The following TENM2 variants were observed in gnomAD, a reference collection of about 807,000 sequenced individuals.
TENM2 encodes teneurin transmembrane protein 2.
Under a neutral mutation model 245.2 loss-of-function variants are expected in TENM2, and 52 were observed. That is an observed-to-expected ratio of 0.21 (90% CI 0.17 to 0.27). The LOEUF is 0.27. Ranked by LOEUF, TENM2 falls within the 10% of genes least tolerant of loss-of-function variation. TENM2 has a pLI of 1.00. For missense variants in TENM2, 3,046 were observed against 3,666.8 expected (o/e 0.83, Z 4.37); for synonymous variants, 1,363 against 1,438.9 (o/e 0.95, Z 1.19).
chr5:167,218,980 T>G, the TENM2 span, among the ~76,000 whole-genome samples: 1 of 152,234 alleles, frequency 6.6e-6, no homozygotes, highest in Admixed American at 6.5e-5. Context: ...GCCAATCCTC[T>G]GGCTTTTTTG....
At chr5:167,121,058 G>A in the TENM2 span, among the ~76,000 whole-genome samples, 1 of 151,842 alleles carries the variant, frequency 6.6e-6, no homozygotes, top group Non-Finnish European at 1.5e-5. Flanking sequence ...ACTCTCGGTG[G>A]CAAGATACTT....
chr5:167,194,106 T>TCACA, the TENM2 span, among the ~76,000 whole-genome samples: 536 of 151,946 alleles, frequency 3.5e-3, 6 homozygotes, highest in African/African-American at 0.012. Context: ...ATGAGAAGGT[T>TCACA]ATACAAGGTG....
intron 1 of TENM2, among the ~76,000 whole-genome samples, chr5:167,332,400 G>C (rs1394302610): frequency 6.6e-6 from 1 of 152,006 alleles, no homozygotes; most frequent in Non-Finnish European, 1.5e-5. Flanking sequence ...ACGTGCCTCT[G>C]AACTACAGTT....
intron 1 of TENM2, among the ~76,000 whole-genome samples, chr5:167,323,957 C>A (rs1561863029): frequency 6.6e-6 from 1 of 152,168 alleles, no homozygotes; most frequent in Admixed American, 6.5e-5. Context: ...CCAGACTATT[C>A]TGATGTAAGA....
At chr5:168,217,026 T>A in intron 22 of TENM2, 104 bp downstream of exon 24, 1 of 1,255,370 alleles carries the variant, frequency 8.0e-7, no homozygotes, top group South Asian at 1.3e-5. Context: ...GAGGGAGAGA[T>A]ACAGATACAG....
chr5:168,199,551 C>G (rs903420750), intron 16 of TENM2, among the ~76,000 whole-genome samples: 1 of 152,328 alleles, frequency 6.6e-6, no homozygotes, highest in Non-Finnish European at 1.5e-5. Flanking sequence ...GGCCTCCTTG[C>G]ATGCAGCTAG....
chr5:167,426,215 T>A (rs1763812869), intron 2 of TENM2, among the ~76,000 whole-genome samples: 1 of 152,322 alleles, frequency 6.6e-6, no homozygotes. Context: ...ATGTTTTTCT[T>A]GAATTCTGAT....
chr5:167,743,134 A>T (rs954612210), intron 2 of TENM2, among the ~76,000 whole-genome samples: 4 of 152,190 alleles, frequency 2.6e-5, no homozygotes, highest in African/African-American at 9.7e-5. Context: ...TTAGTATAAG[A>T]CCTGGGACTA....
chr5:168,065,800 C>A (rs1275231812), intron 7 of TENM2, among the ~76,000 whole-genome samples: 2 of 148,916 alleles, frequency 1.3e-5, no homozygotes, highest in Non-Finnish European at 1.5e-5. Flanking sequence ...AAAATGTATC[C>A]ATTTCAGTGA....
chr5:167,804,795 T>G (rs942118416), intron 2 of TENM2, among the ~76,000 whole-genome samples: 3 of 152,052 alleles, frequency 2.0e-5, no homozygotes, highest in African/African-American at 7.2e-5. Context: ...TCTGCTCCTA[T>G]TACTAGGAAG....
chr5:167,586,954 T>C lies in TENM2; in HGVS notation c.502+211481T>C, dbSNP rs1045769844. Among the ~76,000 whole-genome samples the C allele has an allele frequency of 2.0e-5, 3 of 152,228 alleles. No homozygotes were observed. The South Asian group carries it at 6.2e-4, about 32-fold the overall frequency. On this transcript the variant is annotated intron_variant, in intron 2 of 28. Transcript: ENST00000518659. The stretch of plus-strand genomic sequence containing the variant: ...GTTTGTTAATGTTAATTAGTAATTG[T>C]TGGGCTCTGAGGGGGTGCAGCATCT...
chr5:167,594,833 T>C (rs1303810734), intron 2 of TENM2, among the ~76,000 whole-genome samples: 3 of 152,230 alleles, frequency 2.0e-5, no homozygotes, highest in Non-Finnish European at 1.5e-5. Context: ...CGTTCACTTA[T>C]GCCACACTAT....
the TENM2 span, among the ~76,000 whole-genome samples, chr5:167,126,325 A>G: frequency 1.3e-5 from 2 of 152,200 alleles, no homozygotes; most frequent in Admixed American, 1.3e-4. Flanking sequence ...AGCTGGCACC[A>G]CACCAGTCCC....
intron 2 of TENM2, among the ~76,000 whole-genome samples, chr5:167,403,165 A>AT (rs35263578): frequency 2.6e-5 from 4 of 151,602 alleles, no homozygotes; most frequent in Non-Finnish European, 4.4e-5. Context: ...GATAGTTATT[A>AT]TTTTTTTTAA....
intron 12 of TENM2, among the ~76,000 whole-genome samples, chr5:168,131,085 A>G (rs1754539220): frequency 1.3e-5 from 2 of 152,214 alleles, no homozygotes; most frequent in Admixed American, 1.3e-4. Context: ...GGCAAAATGC[A>G]AGAAGAAGCC....
chr5:168,135,855 A>G (rs1201243853), intron 12 of TENM2, among the ~76,000 whole-genome samples: 1 of 152,192 alleles, frequency 6.6e-6, no homozygotes, highest in South Asian at 2.1e-4. Context: ...ACATCTGAAT[A>G]GCTACCAGCC....
At chr5:167,053,396 T>C in the TENM2 span, among the ~76,000 whole-genome samples, 1 of 152,326 alleles carries the variant, frequency 6.6e-6, no homozygotes, top group African/African-American at 2.4e-5. Context: ...AGGCCCTAAA[T>C]GTTTGTGGAA....
chr5:167,076,466 G>A, the TENM2 span, among the ~76,000 whole-genome samples: 1 of 152,076 alleles, frequency 6.6e-6, no homozygotes, highest in Non-Finnish European at 1.5e-5. Flanking sequence ...ATACTTTAGG[G>A]AGAAGTTTGA....
chr5:167,207,412 A>G, the TENM2 span, among the ~76,000 whole-genome samples: 1 of 152,264 alleles, frequency 6.6e-6, no homozygotes, highest in Non-Finnish European at 1.5e-5. Context: ...CTGATTTTAA[A>G]GCAAGTTGGA....
Sources: allele counts gnomAD v4.1 joint callset (sites outside exome capture counted in the v4.1 genomes callset), GRCh38; gene constraint gnomAD v4.1.1; transcripts MANE v1.5; gene names NCBI Gene and HGNC (gene_info 2026-07-23, HGNC 2026-07-21).